The following PIK3AP1 variants were observed in gnomAD, a reference collection of about 807,000 sequenced individuals.
PIK3AP1 encodes the protein phosphoinositide-3-kinase adaptor protein 1.
Under a neutral mutation model 88.1 loss-of-function variants are expected in PIK3AP1, and 21 were observed. The observed-to-expected ratio is 0.24, with a 90% CI of 0.17 to 0.34. The LOEUF is 0.34. Among genes scored for constraint, PIK3AP1 ranks in the 10% least tolerant of loss-of-function variants. PIK3AP1 has a pLI of 1.00. For synonymous variants in PIK3AP1, 398 were observed against 400.0 expected (o/e 1.00, Z 0.06); for missense variants, 828 against 1,035.7 (o/e 0.80, Z 2.75).
rs201455562 is a variant in PIK3AP1, at chr10:96,701,949, C to T, written c.430+7618G>A. ...TTCTTTTTAAATTTAAGAAAAGTTA[C>T]ACAATGGAATATTTTTCAGCTATAA... On this transcript the variant is annotated intron_variant, in intron 2 of 16. Transcript: ENST00000339364. 7.2e-5 allele frequency among the ~76,000 whole-genome samples: 11 copies of T among 152,188 alleles called. No individual in the cohort carries two copies. The East Asian group carries it at 2.1e-3, about 29-fold the overall frequency.
chr10:96,659,501 T>A (rs1429731458), intron 2 of PIK3AP1, among the ~76,000 whole-genome samples: 2 of 152,174 alleles, frequency 1.3e-5, no homozygotes, highest in Admixed American at 1.3e-4. Flanking sequence ...TAAGAAATTT[T>A]ATGAAACACA....
intron 3 of PIK3AP1, among the ~76,000 whole-genome samples, chr10:96,653,944 G>A (rs1020390220): frequency 3.9e-5 from 6 of 152,182 alleles, no homozygotes; most frequent in Non-Finnish European, 7.3e-5. Flanking sequence ...TACTCAAGGC[G>A]GAGCCAAGGG....
At chr10:96,613,543 G>C (rs72818903) in intron 13 of PIK3AP1, among the ~76,000 whole-genome samples, 6,988 of 152,170 alleles carry the variant, frequency 0.046, 204 homozygotes, top group African/African-American at 0.086. Context: ...CCCCTCTCCC[G>C]AAAATATCCT....
At chr10:96,603,671 TACACACACACACACACACACAC>T (rs10528215) in intron 15 of PIK3AP1, 7 of 163,038 alleles carry the variant, frequency 4.3e-5, no homozygotes, top group Admixed American at 2.6e-4. Context: ...TACTACTTAA[TACACACACACACACACACACAC>T]ACACACACAC....
intron 2 of PIK3AP1, among the ~76,000 whole-genome samples, chr10:96,704,015 G>C (rs763700008): frequency 1.3e-5 from 2 of 152,170 alleles, no homozygotes; most frequent in Non-Finnish European, 2.9e-5. Flanking sequence ...ACATATTTTA[G>C]TAGTAATTTT....
chr10:96,709,750 C>A lies in PIK3AP1; in HGVS notation c.247G>T (p.Ala83Ser), dbSNP rs3748229. ...AELVQHFHKPALLPLLQRAFH... is the reference protein window; with the variant it reads ...AELVQHFHKPSLLPLLQRAFH... The stretch of plus-strand genomic sequence containing the variant: ...GCTCTCTGCAGCAGGGGCAGCAAGG[C>A]GGGCTTGTGGAAGTGCTGCACCAGC... Residue 83 changes from alanine to serine, a missense_variant, in exon 2 of 17, where the codon GCC becomes TCC. Ala to Ser is a moderately conservative substitution (Grantham distance 99). Transcript: ENST00000339364. The A allele has an allele frequency of 0.32, 514,497 of 1,613,536 alleles. 85,433 individuals are homozygous for A. Among genetic ancestry groups the A allele is most frequent in the African/African-American group, 0.52 (38,805 of 74,964 alleles).
At chr10:96,671,584 A>T (rs997389053) in intron 2 of PIK3AP1, among the ~76,000 whole-genome samples, 2 of 152,160 alleles carry the variant, frequency 1.3e-5, no homozygotes, top group African/African-American at 4.8e-5. Flanking sequence ...CTGACACTGA[A>T]GTCAGGGGAG....
At chr10:96,683,725 G>A (rs1397567960) in intron 2 of PIK3AP1, among the ~76,000 whole-genome samples, 1 of 152,160 alleles carries the variant, frequency 6.6e-6, no homozygotes, top group Non-Finnish European at 1.5e-5. Context: ...AGCATTTATT[G>A]AGCACTAGAT....
In PIK3AP1 at chr10:96,595,436, G is replaced by C; in HGVS notation, c.*141C>G. ...AAATCTTCGAGGCAAGCCCAAACCAGCAGGGCTGCAGCATTATCAGCAATG... is the reference window on the plus strand; with the variant it reads ...AAATCTTCGAGGCAAGCCCAAACCACCAGGGCTGCAGCATTATCAGCAATG... On this transcript the variant is annotated 3_prime_UTR_variant, in exon 17 of 17. Transcript: ENST00000339364. The C allele has an allele frequency of 1.1e-6, 1 of 931,736 alleles. No individual in the cohort carries two copies. Among genetic ancestry groups the C allele is most frequent in the Non-Finnish European group, 1.6e-6 (1 of 613,184 alleles). 57.7% of individuals were successfully genotyped at this position (931,736 alleles called of 1,614,324 possible).
intron 16 of PIK3AP1, among the ~76,000 whole-genome samples, chr10:96,597,328 TTC>T (rs1491301357): frequency 8.6e-6 from 1 of 115,710 alleles, no homozygotes. Context: ...CCTTCCTTCC[TTC>T]TTTCCTTCCC....
At chr10:96,680,991 T>G (rs1843991773) in intron 2 of PIK3AP1, among the ~76,000 whole-genome samples, 1 of 152,238 alleles carries the variant, frequency 6.6e-6, no homozygotes, top group African/African-American at 2.4e-5. Flanking sequence ...CTGTATTCAT[T>G]TGCTAGGGCT....
intron 8 of PIK3AP1, among the ~76,000 whole-genome samples, chr10:96,628,875 C>CACACACAAATAT (rs1564961141): frequency 1.1e-5 from 1 of 90,910 alleles, no homozygotes; most frequent in Non-Finnish European, 2.2e-5. Context: ...CATATATACA[C>CACACACAAATAT]ATATATATAT....
intron 8 of PIK3AP1, among the ~76,000 whole-genome samples, chr10:96,636,294 C>G (rs1051228487): frequency 1.3e-5 from 2 of 151,966 alleles, no homozygotes; most frequent in African/African-American, 4.8e-5. Context: ...GCCAACTGGC[C>G]TTGGCATGTG....
In PIK3AP1 at chr10:96,651,629, A is replaced by G. The variant is rs1370577852; in HGVS notation, c.735T>C (p.Ser245=). 4.3e-6 allele frequency: 7 copies of G among 1,614,042 alleles called. No homozygotes were observed. The highest frequency in any genetic ancestry group is 5.9e-6 in the Non-Finnish European group (7 of 1,180,002). ...CTAAGTCTCCAGAATATATCTTCAG[A>G]GAAACGTTCCCAGATGAAAGGTCTG... ...KAPNLSSGNV[S]LKIYSGDLVV... is the part of the protein sequence containing the mutation. The change falls in exon 5 of 17, where the codon TCT becomes TCC. Residue 245 remains serine (S), a synonymous_variant. Coordinates refer to ENST00000339364, the MANE Select transcript of PIK3AP1 (RefSeq NM_152309.3).
At chr10:96,647,082 C>G (rs960149220) in intron 7 of PIK3AP1, among the ~76,000 whole-genome samples, 26 of 152,184 alleles carry the variant, frequency 1.7e-4, no homozygotes, top group Non-Finnish European at 1.5e-5. Context: ...ATAAGCAACA[C>G]AAAGGGACAG....
chr10:96,717,078 T>C (rs1844511419), intron 1 of PIK3AP1, among the ~76,000 whole-genome samples: 1 of 151,896 alleles, frequency 6.6e-6, no homozygotes, highest in Non-Finnish European at 1.5e-5. Context: ...CCTGGCATGG[T>C]GAAACCCTGT....
chr10:96,637,527 T>A (rs967462080), intron 8 of PIK3AP1, among the ~76,000 whole-genome samples: 2 of 151,950 alleles, frequency 1.3e-5, no homozygotes, highest in African/African-American at 2.4e-5. Flanking sequence ...TTAAAAAAAA[T>A]TTTTTAGAAG....
In PIK3AP1 at chr10:96,651,319, T is replaced by A. The variant is rs539294987; in HGVS notation, c.917A>T (p.Lys306Met). 1 of 1,614,096 alleles carries A rather than the reference T, an allele frequency of 6.2e-7. No homozygotes were observed. The highest frequency in any genetic ancestry group is 8.5e-7 in the Non-Finnish European group (1 of 1,180,048). Residue 306 changes from lysine to methionine, a missense_variant, in exon 6 of 17, where the codon AAG becomes ATG. Around this residue, in one of 3 missense-constraint regions of PIK3AP1, gnomAD observed 610 missense variants for 760.1 expected, o/e 0.80. Coordinates refer to ENST00000339364, the MANE Select transcript of PIK3AP1 (RefSeq NM_152309.3). ...CAGTCCGCTTGCAGGGATATTGTTCTTCAGGGATTCGGTTAGCAGTTTATC... is the reference window on the plus strand; with the variant it reads ...CAGTCCGCTTGCAGGGATATTGTTCATCAGGGATTCGGTTAGCAGTTTATC... ...TLDKLLTESL[K>M]NNIPASGLHL...
At chr10:96,707,443 C>T (rs1321370805) in intron 2 of PIK3AP1, among the ~76,000 whole-genome samples, 1 of 152,136 alleles carries the variant, frequency 6.6e-6, no homozygotes, top group African/African-American at 2.4e-5. Context: ...CAGGCACGCA[C>T]CATCACGACT....
Sources: gnomAD v4.1 joint callset for allele counts (sites outside exome capture counted in the v4.1 genomes callset) on GRCh38, gnomAD v4.1.1 for gene constraint, gnomAD v4.1.1 regional missense constraint, MANE v1.5 for transcripts, NCBI Gene and HGNC (gene_info 2026-07-23, HGNC 2026-07-21) for gene names.